NCAPG2: variants seen among roughly 807,000 people sequenced by gnomAD.
NCAPG2 encodes the protein condensin-2 complex subunit G2.
NCAPG2 carries 53 observed loss-of-function variants against 141.1 expected under a neutral mutation model. That is an observed-to-expected ratio of 0.38 (90% CI 0.30 to 0.47). The LOEUF (loss-of-function observed/expected upper bound fraction) is 0.47, where lower values mean the gene tolerates loss of function less well. NCAPG2 is among the 20% of genes least tolerant of loss of function. The probability of loss-of-function intolerance (pLI) is 0.99; values close to 1 mark genes in which losing one functional copy is unlikely to be tolerated. For synonymous variants in NCAPG2, 499 were observed against 490.7 expected, an observed-to-expected ratio of 1.02 and a Z score of -0.22; for missense variants, 1,087 against 1,389.0, an observed-to-expected ratio of 0.78 and a Z score of 3.46.
Position 158,631,691 on chromosome 7 carries a change from G to A in NCAPG2, c.3407C>T (p.Thr1136Ile), listed in dbSNP as rs1350651683. The change falls in exon 28 of 28, where the codon ACT becomes ATT. Residue 1136 changes from threonine (T) to isoleucine (I), a missense_variant. Thr to Ile is a moderately conservative substitution (Grantham distance 89). Transcript: ENST00000356309. ...ERFLYESSSRTLGELLNS is the reference protein window; with the variant it reads ...ERFLYESSSRILGELLNS ...TTATGAATTCAAAAGTTCTCCCAGA[G>A]TTCTTGATGATGATTCATAGAGAAA... is the stretch of plus-strand genomic sequence containing the variant. The A allele has an allele frequency of 1.2e-6, 2 of 1,601,670 alleles. No individual in the cohort carries two copies. The highest frequency in any genetic ancestry group is 2.2e-5 in the East Asian group (1 of 44,776).
At chr7:158,667,216 C>T (rs1402491319) in intron 13 of NCAPG2, 2 of 985,452 alleles carry the variant, frequency 2.0e-6, no homozygotes, top group African/African-American at 3.5e-5. Flanking sequence ...GTTCTGCCTT[C>T]TTCCTCTGCT....
Position 158,631,416 on chromosome 7 carries a change from C to A in NCAPG2, c.*250G>T. On this transcript the variant is annotated 3_prime_UTR_variant, in exon 28 of 28. Transcript: ENST00000356309. ...CTAGAAAAGTGTTTTTTCTTGGAAT[C>A]ATGGATTTCTACACCATTCATACCT... 1 of 456,164 alleles carries A rather than the reference C, an allele frequency of 2.2e-6. No individual in the cohort carries two copies. Among genetic ancestry groups the A allele is most frequent in the Non-Finnish European group, 3.8e-6 (1 of 264,022 alleles). 28.3% of individuals were successfully genotyped at this position (456,164 alleles called of 1,614,324 possible).
chr7:158,668,389 T>TTACCCACTACTGGGTCCCTCCGCCCG (rs1563543579), intron 13 of NCAPG2: 1 of 956,482 alleles, frequency 1.0e-6, no homozygotes, highest in African/African-American at 1.8e-5. Context: ...CCCTCCGCCC[T>TTACCCACTACTGGGTCCCTCCGCCCG]CCTTACCTAT....
chr7:158,686,319 C>A, intron 7 of NCAPG2, 78 bp from the exon 8 acceptor site: 1 of 815,048 alleles, frequency 1.2e-6, no homozygotes, highest in Admixed American at 3.1e-5. Context: ...CAGCTACTCT[C>A]CAACCATAGT....
intron 13 of NCAPG2, 82 bp from the exon 14 acceptor site, chr7:158,664,832 C>T (rs2129460458): frequency 8.2e-7 from 1 of 1,226,508 alleles, no homozygotes; most frequent in Non-Finnish European, 1.1e-6. Flanking sequence ...ATTTCAAGCA[C>T]AACCAAAAAA....
At chr7:158,643,496 T>G (rs1042251477) in intron 27 of NCAPG2, among the ~76,000 whole-genome samples, 2 of 152,216 alleles carry the variant, frequency 1.3e-5, no homozygotes, top group Non-Finnish European at 2.9e-5. Flanking sequence ...AATTTTCTAG[T>G]GAAGTGAGCA....
chr7:158,645,985 C>T lies in NCAPG2; in HGVS notation c.3180-366G>A, dbSNP rs144744549. On this transcript the variant is annotated intron_variant, in intron 25 of 27. Coordinates refer to ENST00000356309, the MANE Select transcript of NCAPG2 (RefSeq NM_017760.7). ...CTATTAAAATTCGACAGGTACCAGACATCTGCAAAGCAATTCCCTCTGTAA... is the reference window on the plus strand; with the variant it reads ...CTATTAAAATTCGACAGGTACCAGATATCTGCAAAGCAATTCCCTCTGTAA... Among the ~76,000 whole-genome samples, 13 of 152,332 alleles carry T rather than the reference C, an allele frequency of 8.5e-5. 1 individual carries two copies. In the East Asian group the frequency reaches 2.5e-3, roughly 29 times the overall value.
chr7:158,664,967 A>T, intron 13 of NCAPG2: 1 of 501,344 alleles, frequency 2.0e-6, no homozygotes, highest in Non-Finnish European at 3.5e-6. Flanking sequence ...AAGGCACCCA[A>T]GTATTAGGGT....
At position 158,656,725 on chromosome 7, in the gene NCAPG2, A is replaced by T; in HGVS notation, c.2061-20T>A. 2 of 1,611,232 alleles carry T rather than the reference A, an allele frequency of 1.2e-6. No individual in the cohort carries two copies. The highest frequency in any genetic ancestry group is 1.7e-6 in the Non-Finnish European group (2 of 1,178,564). Reference sequence around the variant, plus strand: ...CCACAGCTGAAAATGTCAGACGGAAAATCGGACTGAGTATTTCAACGGAGA... The same window carrying T: ...CCACAGCTGAAAATGTCAGACGGAATATCGGACTGAGTATTTCAACGGAGA... On this transcript the variant is annotated intron_variant, in intron 17 of 27. Transcript: ENST00000356309.
chr7:158,637,608 G>C (rs1014974990), intron 27 of NCAPG2, among the ~76,000 whole-genome samples: 18 of 2,006 alleles, frequency 9.0e-3, no homozygotes, highest in African/African-American at 0.023. Context: ...CCCCTGCGAT[G>C]GCTCCACATC....
chr7:158,700,372 G>A (rs932279491), intron 2 of NCAPG2, among the ~76,000 whole-genome samples: 2 of 152,296 alleles, frequency 1.3e-5, no homozygotes, highest in East Asian at 1.9e-4. Flanking sequence ...ACCCCAGAAG[G>A]GCACCTGTCA....
intron 4 of NCAPG2, among the ~76,000 whole-genome samples, chr7:158,692,022 A>G (rs1390485439): frequency 1.3e-5 from 2 of 152,234 alleles, no homozygotes; most frequent in African/African-American, 4.8e-5. Flanking sequence ...TAAACTAATT[A>G]GGCCAGACAC....
chr7:158,677,523 A>G (rs1834137901), intron 11 of NCAPG2, among the ~76,000 whole-genome samples: 1 of 94,582 alleles, frequency 1.1e-5, no homozygotes, highest in Non-Finnish European at 2.1e-5. Flanking sequence ...ATAAAAATAA[A>G]GCAAAAAAAA....
chr7:158,650,029 A>C (rs1831361599), intron 24 of NCAPG2, among the ~76,000 whole-genome samples: 1 of 152,216 alleles, frequency 6.6e-6, no homozygotes, highest in African/African-American at 2.4e-5. Context: ...ATAATGAATA[A>C]CTTGTCTGTT....
chr7:158,677,525 C>CA, intron 11 of NCAPG2, among the ~76,000 whole-genome samples: 3,159 of 89,982 alleles, frequency 0.035, 161 homozygotes, highest in African/African-American at 0.06. Flanking sequence ...AAAAATAAAG[C>CA]AAAAAAAAAA....
chr7:158,652,455 T>C lies in NCAPG2; in HGVS notation c.2772A>G (p.Leu924=). The change falls in exon 23 of 28, where the codon TTA becomes TTG. Residue 924 remains leucine (L), a synonymous_variant. Transcript: ENST00000356309. ...QTVKGFFYVS[L]LLDILKEITG... ...TTATCTCTTTCAGAATGTCAAGAAGTAATGAAACATAAAAAAATCCCTTCA... is the reference window on the plus strand; with the variant it reads ...TTATCTCTTTCAGAATGTCAAGAAGCAATGAAACATAAAAAAATCCCTTCA... 1 of 1,601,066 alleles carries C rather than the reference T, an allele frequency of 6.2e-7. No individual in the cohort carries two copies. Among genetic ancestry groups the C allele is most frequent in the Non-Finnish European group, 8.5e-7 (1 of 1,176,208 alleles).
intron 16 of NCAPG2, among the ~76,000 whole-genome samples, chr7:158,659,328 TCAAAAAAAAAAAAAAAAAGAA>T (rs1411709101): frequency 3.0e-5 from 2 of 66,412 alleles, no homozygotes; most frequent in African/African-American, 1.6e-4. Flanking sequence ...AGACTCCATC[TCAAAAAAAAAAAAAAAAAGAA>T]GAAAAAAAAA....
intron 15 of NCAPG2, among the ~76,000 whole-genome samples, chr7:158,662,949 C>G (rs184032827): frequency 1.3e-5 from 2 of 152,362 alleles, no homozygotes; most frequent in Admixed American, 6.5e-5. Context: ...AATAGACCTA[C>G]TTACACTTTC....
In NCAPG2 at chr7:158,704,724, C is replaced by T. The variant is rs1451859928; in HGVS notation, c.-40G>A. On this transcript the variant is annotated splice_region_variant and 5_prime_UTR_variant, in exon 1 of 28. Coordinates refer to ENST00000356309, the MANE Select transcript of NCAPG2 (RefSeq NM_017760.7). ...CCCGGCTCGGCACCGCAGCTCTTAC[C>T]TGGGCTCGGGGACCCGCCGTTTCCC... is the stretch of plus-strand genomic sequence containing the variant. 1 of 152,352 alleles carries T rather than the reference C, an allele frequency of 6.6e-6. No homozygotes were observed. Among genetic ancestry groups the T allele is most frequent in the African/African-American group, 2.4e-5 (1 of 41,448 alleles). The allele number at this position is 152,352 out of a possible 1,614,324, so 9.4% of individuals were successfully genotyped here. A position where few individuals can be genotyped will look rare whatever the true frequency, so the allele number is the denominator to read the frequency against.
Sources: allele counts gnomAD v4.1 joint callset (sites outside exome capture counted in the v4.1 genomes callset), GRCh38; gene constraint gnomAD v4.1.1; transcripts MANE v1.5; gene names NCBI Gene and HGNC (gene_info 2026-07-23, HGNC 2026-07-21).